The following PPP6R3 variants were observed in gnomAD, a reference collection of about 807,000 sequenced individuals.
PPP6R3 encodes the protein protein phosphatase 6 regulatory subunit 3.
A neutral mutation model predicts 110.7 loss-of-function variants in PPP6R3; 38 were observed. That is an observed-to-expected ratio of 0.34 (90% CI 0.26 to 0.45). The LOEUF (loss-of-function observed/expected upper bound fraction) is 0.45, where lower values mean the gene tolerates loss of function less well. Ranked by LOEUF, PPP6R3 falls within the 20% of genes least tolerant of loss-of-function variation. The pLI is 1.00. For missense variants in PPP6R3, 870 were observed against 1,062.4 expected, an observed-to-expected ratio of 0.82 and a Z score of 2.52; for synonymous variants, 369 against 373.5, an observed-to-expected ratio of 0.99 and a Z score of 0.14.
chr11:68,463,223 G>T (rs112947629), intron 1 of PPP6R3, among the ~76,000 whole-genome samples: 1,556 of 152,012 alleles, frequency 0.01, 12 homozygotes, highest in African/African-American at 0.012. Context: ...ACAAAAATTA[G>T]TCGGTCATGG....
At chr11:68,462,572 G>A (rs370738809) in intron 1 of PPP6R3, among the ~76,000 whole-genome samples, 48 of 152,256 alleles carry the variant, frequency 3.2e-4, no homozygotes, top group African/African-American at 1.1e-3. Context: ...AAACTGTAAG[G>A]GTGCCGTGGA....
chr11:68,574,610 T>C (rs927290194), intron 13 of PPP6R3, among the ~76,000 whole-genome samples: 2 of 152,248 alleles, frequency 1.3e-5, no homozygotes, highest in Non-Finnish European at 1.5e-5. Flanking sequence ...GGCCTCTATA[T>C]AGCCTCTGAA....
intron 1 of PPP6R3, among the ~76,000 whole-genome samples, chr11:68,510,496 G>C (rs946869607): frequency 2.6e-5 from 4 of 151,948 alleles, no homozygotes; most frequent in Non-Finnish European, 2.9e-5. Context: ...TACCATGCTT[G>C]GCTGATTTTT....
chr11:68,599,839 T>A (rs989711529), intron 19 of PPP6R3, among the ~76,000 whole-genome samples: 2 of 152,164 alleles, frequency 1.3e-5, no homozygotes, highest in Admixed American at 6.5e-5. Context: ...ATGGGAGGTT[T>A]GAGGCCAGGC....
chr11:68,512,805 A>T (rs1172301197), intron 1 of PPP6R3, among the ~76,000 whole-genome samples: 2 of 152,232 alleles, frequency 1.3e-5, no homozygotes, highest in Non-Finnish European at 2.9e-5. Context: ...ACAAAACGTC[A>T]GGTATGAATG....
chr11:68,608,471 C>G (rs1941585992), intron 22 of PPP6R3, among the ~76,000 whole-genome samples: 1 of 152,198 alleles, frequency 6.6e-6, no homozygotes, highest in South Asian at 2.1e-4. Flanking sequence ...GAATACAGAC[C>G]AGGGCAGTCA....
At chr11:68,589,049 A>G (rs2099587699) in intron 16 of PPP6R3, among the ~76,000 whole-genome samples, 1 of 151,980 alleles carries the variant, frequency 6.6e-6, no homozygotes, top group Non-Finnish European at 1.5e-5. Context: ...TCTACTAAAA[A>G]TACAAAAACA....
chr11:68,591,731 T>G, intron 18 of PPP6R3, 25 bp downstream of exon 18: 2 of 1,596,212 alleles, frequency 1.3e-6, no homozygotes, highest in South Asian at 2.3e-5. Flanking sequence ...GTTATAGTTG[T>G]AATTATAGCC....
At chr11:68,555,387 C>T (rs1268256899) in intron 7 of PPP6R3, among the ~76,000 whole-genome samples, 1 of 152,172 alleles carries the variant, frequency 6.6e-6, no homozygotes, top group Non-Finnish European at 1.5e-5. Flanking sequence ...CAGTGCTGCC[C>T]AGTGGAAATA....
chr11:68,519,665 G>T lies in PPP6R3; in HGVS notation c.-7+14G>T. 2.5e-6 allele frequency: 1 copy of T among 398,468 alleles called. No homozygotes were observed. The highest frequency in any genetic ancestry group is 4.4e-6 in the Non-Finnish European group (1 of 226,010). 24.7% of individuals were successfully genotyped at this position (398,468 alleles called of 1,614,324 possible). A position where few individuals can be genotyped will look rare whatever the true frequency, so the allele number is the denominator to read the frequency against. On this transcript the variant is annotated intron_variant, in intron 2 of 23. Transcript: ENST00000393800. ...TTGGTTTGAAAGGTAAGACCATTACGATTAGCAGGAGTTTCCTTCCATTAA... is the reference window on the plus strand; with the variant it reads ...TTGGTTTGAAAGGTAAGACCATTACTATTAGCAGGAGTTTCCTTCCATTAA...
intron 18 of PPP6R3, among the ~76,000 whole-genome samples, chr11:68,594,285 A>AGAGAGAGAG (rs2099605070): frequency 6.8e-6 from 1 of 146,606 alleles, no homozygotes; most frequent in Non-Finnish European, 1.5e-5. Context: ...AGAGAGAGAG[A>AGAGAGAGAG]GAGAGAGGAG....
In PPP6R3 at chr11:68,564,348, A is replaced by G; in HGVS notation, c.891A>G (p.Ser297=). The change falls in exon 9 of 24, where the codon TCA becomes TCG. Residue 297 remains serine (S), a synonymous_variant. Coordinates refer to ENST00000393800, the MANE Select transcript of PPP6R3 (RefSeq NM_001164161.2). ...IEICPPGMSH[S]ACSVNKSVLE... ...TCTGCCCACCAGGCATGAGCCATTC[A>G]GCTTGTTCAGTAAACAAGAGTGTTC... 4 of 1,612,622 alleles carry G rather than the reference A, an allele frequency of 2.5e-6. No individual in the cohort carries two copies. The highest frequency in any genetic ancestry group is 3.4e-6 in the Non-Finnish European group (4 of 1,178,566).
At chr11:68,501,087 T>TAAA (rs1324930114) in intron 1 of PPP6R3, among the ~76,000 whole-genome samples, 2 of 152,238 alleles carry the variant, frequency 1.3e-5, no homozygotes, top group Non-Finnish European at 2.9e-5. Context: ...TTTTCATGTT[T>TAAA]ATTGTCTACT....
chr11:68,583,142 T>A lies in PPP6R3; in HGVS notation c.1632+13T>A. The A allele has an allele frequency of 6.7e-7, 1 of 1,503,406 alleles. No homozygotes were observed. The highest frequency in any genetic ancestry group is 8.9e-7 in the Non-Finnish European group (1 of 1,117,336). The allele number at this position is 1,503,406 out of a possible 1,614,324, so 93.1% of individuals were successfully genotyped here. A position where few individuals can be genotyped will look rare whatever the true frequency, so the allele number is the denominator to read the frequency against. ...TTCTTTGCAGCAAGTGAGTCACGCCTAAAGCTTTGCTTTTTGTTTTTATTT... is the reference window on the plus strand; with the variant it reads ...TTCTTTGCAGCAAGTGAGTCACGCCAAAAGCTTTGCTTTTTGTTTTTATTT... On this transcript the variant is annotated intron_variant, in intron 15 of 23. Coordinates refer to ENST00000393800, the MANE Select transcript of PPP6R3 (RefSeq NM_001164161.2).
At chr11:68,492,924 C>T (rs746172533) in intron 1 of PPP6R3, among the ~76,000 whole-genome samples, 6 of 152,302 alleles carry the variant, frequency 3.9e-5, no homozygotes, top group Admixed American at 2.0e-4. Context: ...TCCTACCATT[C>T]TTGGCCTCTC....
At chr11:68,533,345 A>G (rs2099251197) in intron 2 of PPP6R3, among the ~76,000 whole-genome samples, 1 of 152,144 alleles carries the variant, frequency 6.6e-6, no homozygotes, top group South Asian at 2.1e-4. Flanking sequence ...TACAAAGAAA[A>G]CTCACCATTA....
chr11:68,475,953 G>C (rs2098828365), intron 1 of PPP6R3, among the ~76,000 whole-genome samples: 1 of 151,812 alleles, frequency 6.6e-6, no homozygotes, highest in African/African-American at 2.4e-5. Flanking sequence ...ATGGCGGCCG[G>C]GAAGAGGCGC....
chr11:68,505,280 C>T (rs1237600258), intron 1 of PPP6R3: 1 of 152,132 alleles, frequency 6.6e-6, no homozygotes, highest in African/African-American at 2.4e-5. Context: ...GGGTATGTGG[C>T]TTTAATTACA....
At chr11:68,490,089 C>T (rs1159821207) in intron 1 of PPP6R3, among the ~76,000 whole-genome samples, 1 of 152,084 alleles carries the variant, frequency 6.6e-6, no homozygotes, top group African/African-American at 2.4e-5. Flanking sequence ...GTGTTTCCTA[C>T]CTGGATCATT....
Sources: gnomAD v4.1 joint callset for allele counts (sites outside exome capture counted in the v4.1 genomes callset) on GRCh38, gnomAD v4.1.1 for gene constraint, MANE v1.5 for transcripts, NCBI Gene and HGNC (gene_info 2026-07-23, HGNC 2026-07-21) for gene names.